The following SLC24A4 variants were observed in gnomAD, a reference collection of about 807,000 sequenced individuals.
SLC24A4 encodes solute carrier family 24 member 4.
In SLC24A4, 53 loss-of-function variants were observed where a neutral mutation model predicts 79.0. The ratio of observed to expected loss-of-function variants is 0.67; its 90% CI spans 0.54 to 0.84. The LOEUF is 0.84. Among genes scored for constraint, SLC24A4 ranks in the 40% least tolerant of loss-of-function variants. The probability of loss-of-function intolerance (pLI) is 0.00; values close to 1 mark genes in which losing one functional copy is unlikely to be tolerated. For synonymous variants in SLC24A4, 323 were observed against 323.8 expected (o/e 1.00, Z 0.03); for missense variants, 731 against 822.0 (o/e 0.89, Z 1.35).
chr14:92,443,557 A>G, intron 7 of SLC24A4, 83 bp downstream of exon 7: 1 of 1,403,702 alleles, frequency 7.1e-7, no homozygotes. Context: ...TGCCCCTGGC[A>G]CTGTGACCAG....
chr14:92,461,208 G>A (rs974884260), intron 12 of SLC24A4, among the ~76,000 whole-genome samples: 3 of 152,174 alleles, frequency 2.0e-5, no homozygotes, highest in Non-Finnish European at 4.4e-5. Context: ...TCTCTCCTGC[G>A]CCCGTAACGG....
Position 92,343,653 on chromosome 14 carries a change from T to TTCCTTCC in SLC24A4, c.241+17676_241+17677insCCTTCCT, listed in dbSNP as rs58733128. Among the ~76,000 whole-genome samples the TTCCTTCC allele has an allele frequency of 1.1e-3, 37 of 34,258 alleles. 1 individual carries two copies. Among genetic ancestry groups the TTCCTTCC allele is most frequent in the South Asian group, 2.8e-3 (2 of 724 alleles). The allele number at this position is 34,258 out of a possible 152,430, so 22.5% of individuals were successfully genotyped here. On this transcript the variant is annotated intron_variant, in intron 2 of 16. Coordinates refer to ENST00000532405, the MANE Select transcript of SLC24A4 (RefSeq NM_153646.4). ...CTTTCTTTCTTTCTCTCTTTCCTTC[T>TTCCTTCC]TTCCTTCCTTCCTTCCTTCCTTCCT... is the stretch of plus-strand genomic sequence containing the variant.
In SLC24A4 at chr14:92,447,539, C is replaced by T. The variant is rs1892870320; in HGVS notation, c.737+115C>T. ...TCAGATCTTTGTCCTTTTAGGCCAG[C>T]CCCAGCTCTCTGGTAGACACCCTGC... is the stretch of plus-strand genomic sequence containing the variant. On this transcript the variant is annotated intron_variant, in intron 9 of 16. Transcript: ENST00000532405. The T allele has an allele frequency of 2.7e-5, 27 of 998,202 alleles. No individual in the cohort carries two copies. The South Asian group carries it at 3.3e-4, about 12-fold the overall frequency. 61.8% of individuals were successfully genotyped at this position (998,202 alleles called of 1,614,324 possible).
intron 2 of SLC24A4, chr14:92,408,497 G>A: frequency 1.1e-6 from 1 of 911,526 alleles, no homozygotes; most frequent in Non-Finnish European, 1.3e-6. Context: ...ATGGCTGTGA[G>A]GAGTGAGCCA....
chr14:92,324,060 G>A, intron 1 of SLC24A4, 100 bp downstream of exon 1: 1 of 1,483,008 alleles, frequency 6.7e-7, no homozygotes, highest in South Asian at 1.3e-5. Flanking sequence ...TCCTCATCAG[G>A]TTGGTCCCAA....
At chr14:92,492,456 C>G (rs1895736923) in intron 16 of SLC24A4, among the ~76,000 whole-genome samples, 1 of 152,116 alleles carries the variant, frequency 6.6e-6, no homozygotes, top group Non-Finnish European at 1.5e-5. Flanking sequence ...ATAAGAAGTC[C>G]CCAGAGGAAG....
chr14:92,476,726 C>T (rs1894786121), intron 12 of SLC24A4, among the ~76,000 whole-genome samples: 1 of 152,120 alleles, frequency 6.6e-6, no homozygotes, highest in Non-Finnish European at 1.5e-5. Flanking sequence ...CTCTTCCATC[C>T]CCTGGCAACC....
intron 11 of SLC24A4, among the ~76,000 whole-genome samples, 165 bp downstream of exon 11, chr14:92,454,234 G>T (rs147450276): frequency 3.0e-3 from 458 of 152,338 alleles, no homozygotes; most frequent in African/African-American, 9.9e-3. Context: ...ATTATCCTTT[G>T]AAGAGATATT....
chr14:92,330,286 A>G (rs1403540961), intron 2 of SLC24A4, among the ~76,000 whole-genome samples: 2 of 152,236 alleles, frequency 1.3e-5, no homozygotes, highest in East Asian at 3.8e-4. Context: ...AAAAATTTGA[A>G]TGTTAACACT....
At chr14:92,491,496 G>C (rs1399299390) in intron 14 of SLC24A4, among the ~76,000 whole-genome samples, 169 bp from the exon 15 acceptor site, 1 of 152,122 alleles carries the variant, frequency 6.6e-6, no homozygotes. Context: ...TCCCCTTTAG[G>C]CTTCAGGAAG....
At position 92,498,808 on chromosome 14, in the gene SLC24A4, A is replaced by C. The variant is rs1456414095; in HGVS notation, c.*5180A>C. 1 of 152,254 alleles carries C rather than the reference A, an allele frequency of 6.6e-6. No individual in the cohort carries two copies. Among genetic ancestry groups the C allele is most frequent in the African/African-American group, 2.4e-5 (1 of 41,448 alleles). The allele number at this position is 152,254 out of a possible 1,614,324, so 9.4% of individuals were successfully genotyped here. ...CCACCGCACCTGGCCAAAAAAAGGC[A>C]TTTTGATTTAGGTTGCTGTGTTTGC... is the stretch of plus-strand genomic sequence containing the variant. On this transcript the variant is annotated 3_prime_UTR_variant, in exon 17 of 17. Transcript: ENST00000532405.
intron 13 of SLC24A4, chr14:92,483,635 C>A: frequency 1.2e-6 from 1 of 826,670 alleles, no homozygotes; most frequent in Non-Finnish European, 1.8e-6. Flanking sequence ...CTTTCATCGG[C>A]TGGGCTGGGC....
chr14:92,386,942 A>G (rs1455322686), intron 2 of SLC24A4, among the ~76,000 whole-genome samples: 1 of 152,146 alleles, frequency 6.6e-6, no homozygotes, highest in Non-Finnish European at 1.5e-5. Flanking sequence ...GTTCATGCAC[A>G]AATGCACTTC....
intron 2 of SLC24A4, among the ~76,000 whole-genome samples, chr14:92,371,921 G>T (rs1382795729): frequency 1.3e-5 from 2 of 152,246 alleles, no homozygotes; most frequent in East Asian, 3.8e-4. Context: ...GAGCCTGGGT[G>T]CAGCCTCCCA....
intron 2 of SLC24A4, among the ~76,000 whole-genome samples, chr14:92,373,894 T>C (rs750027455): frequency 3.3e-5 from 5 of 152,230 alleles, no homozygotes; most frequent in Admixed American, 6.5e-5. Context: ...TGTCAACTTG[T>C]GGCCAGTCCT....
intron 2 of SLC24A4, among the ~76,000 whole-genome samples, chr14:92,367,280 T>C (rs996859343): frequency 6.6e-6 from 1 of 152,222 alleles, no homozygotes; most frequent in Non-Finnish European, 1.5e-5. Context: ...TCTTGAGCAC[T>C]GGGTGCCAGC....
At chr14:92,414,670 G>A (rs1177040378) in intron 2 of SLC24A4, among the ~76,000 whole-genome samples, 2 of 152,192 alleles carry the variant, frequency 1.3e-5, no homozygotes, top group African/African-American at 4.8e-5. Flanking sequence ...ATCCCGGGAG[G>A]TTGAGGCTGC....
intron 8 of SLC24A4, among the ~76,000 whole-genome samples, chr14:92,447,045 C>T (rs778984731): frequency 6.6e-6 from 1 of 152,202 alleles, no homozygotes; most frequent in Non-Finnish European, 1.5e-5. Flanking sequence ...CTTCAGGCCA[C>T]GCCACTAGCC....
At chr14:92,457,926 G>A (rs59330515) in intron 12 of SLC24A4, among the ~76,000 whole-genome samples, 15,349 of 152,254 alleles carry the variant, frequency 0.1, 817 homozygotes, top group East Asian at 0.14. Context: ...ACCTGCCTGC[G>A]GTAGGTGGCG....
Sources: allele counts gnomAD v4.1 joint callset (sites outside exome capture counted in the v4.1 genomes callset), GRCh38; gene constraint gnomAD v4.1.1; transcripts MANE v1.5; gene names NCBI Gene and HGNC (gene_info 2026-07-23, HGNC 2026-07-21).